CREBBP: variants seen among roughly 807,000 people sequenced by gnomAD.
CREBBP encodes the protein CREB binding lysine acetyltransferase.
In CREBBP, 19 loss-of-function variants were observed where a neutral mutation model predicts 265.0. The observed-to-expected ratio is 0.07, with a 90% CI of 0.05 to 0.11. CREBBP has a LOEUF of 0.11. Ranked by LOEUF, CREBBP falls within the 10% of genes least tolerant of loss-of-function variation. The pLI, the probability that CREBBP is intolerant of heterozygous loss-of-function variation, is 1.00. For missense variants in CREBBP, 2,525 were observed against 3,219.0 expected, an observed-to-expected ratio of 0.78 and a Z score of 5.22; for synonymous variants, 1,457 against 1,223.7, an observed-to-expected ratio of 1.19 and a Z score of -3.98.
chr16:3,745,439 C>G, intron 21 of CREBBP, 85 bp from the exon 22 acceptor site: 1 of 1,236,514 alleles, frequency 8.1e-7, no homozygotes, highest in Non-Finnish European at 1.2e-6. Flanking sequence ...TGCGTCCACA[C>G]CTTGTTCTCT....
intron 2 of CREBBP, among the ~76,000 whole-genome samples, chr16:3,814,737 G>A (rs991385033): frequency 9.2e-5 from 14 of 151,926 alleles, no homozygotes; most frequent in African/African-American, 3.1e-4. Context: ...GATCATGAAC[G>A]GTATGTAAGG....
rs1567360685 is a variant in CREBBP at position 3,849,448 on chromosome 16, T to TG, written c.798+848dup. On this transcript the variant is annotated intron_variant, in intron 2 of 30. Coordinates refer to ENST00000262367, the MANE Select transcript of CREBBP (RefSeq NM_004380.3). ...GTGTGTGTGTGTGTGTGTGTGTGTG[T>TG]GTGTGTGTGTGTGTGTGTGTGTGTG... 2.8e-3 allele frequency among the ~76,000 whole-genome samples: 143 copies of TG among 50,380 alleles called. 7 individuals are homozygous for TG. Among genetic ancestry groups the TG allele is most frequent in the East Asian group, 4.5e-3 (5 of 1,120 alleles). The allele number at this position is 50,380 out of a possible 152,430, so 33.1% of individuals were successfully genotyped here.
At position 3,810,626 on chromosome 16, in the gene CREBBP, A is replaced by T. The variant is rs910148093; in HGVS notation, c.952T>A (p.Ser318Thr). 6.2e-7 allele frequency: 1 copy of T among 1,613,596 alleles called. No homozygotes were observed. The highest frequency in any genetic ancestry group is 1.3e-5 in the African/African-American group (1 of 74,806). Reference protein sequence around the residue: ...PTFPTDIKNTSVTNVPNMSQM... With the variant: ...PTFPTDIKNTTVTNVPNMSQM... ...ACCATATTTGGCACGTTGGTGACTG[A>T]AGTATTCTTGATATCTGTAGGGAAG... The change falls in exon 3 of 31, where the codon TCA (serine) becomes ACA (threonine). Residue 318 changes from serine to threonine, a missense_variant. By Grantham distance (58) the Ser-to-Thr change is moderately conservative. Transcript: ENST00000262367.
At position 3,758,199 on chromosome 16, in the gene CREBBP, T is replaced by C; in HGVS notation, c.3370-151A>G. The C allele has an allele frequency of 4.8e-6, 4 of 834,226 alleles. No homozygotes were observed. The South Asian group carries it at 6.9e-5, about 14-fold the overall frequency. The allele number at this position is 834,226 out of a possible 1,614,324, so 51.7% of individuals were successfully genotyped here. A position where few individuals can be genotyped will look rare whatever the true frequency, so the allele number is the denominator to read the frequency against. On this transcript the variant is annotated intron_variant, in intron 17 of 30. Coordinates refer to ENST00000262367, the MANE Select transcript of CREBBP (RefSeq NM_004380.3). The stretch of plus-strand genomic sequence containing the variant: ...TAAGAAATAGGAAATGAAAAGAAAA[T>C]AACCTCTGACGCAACTGATTTTACT...
rs1417985570 is a variant in CREBBP at position 3,727,997 on chromosome 16, C to G, written c.7050G>C (p.Gln2350His). Residue 2350 changes from glutamine to histidine, a missense_variant, in exon 31 of 31, where the codon CAG becomes CAC. Gln to His is a conservative substitution (Grantham distance 24). Around this residue, in one of 19 missense-constraint regions of CREBBP, gnomAD observed 473 missense variants for 459.3 expected, o/e 1.03. Coordinates refer to ENST00000262367, the MANE Select transcript of CREBBP (RefSeq NM_004380.3). Reference sequence around the variant, plus strand: ...GAGGCTGGGACTGGGGCCGTGGAGACTGGACAGGGGCTGGAGACCGCACCT... The same window carrying G: ...GAGGCTGGGACTGGGGCCGTGGAGAGTGGACAGGGGCTGGAGACCGCACCT... Reference protein sequence around the residue: ...SNQVRSPAPVQSPRPQSQPPH... With the variant: ...SNQVRSPAPVHSPRPQSQPPH... The G allele has an allele frequency of 6.2e-7, 1 of 1,609,264 alleles. No homozygotes were observed. The highest frequency in any genetic ancestry group is 8.5e-7 in the Non-Finnish European group (1 of 1,176,632).
In CREBBP at chr16:3,735,247, T is replaced by G. The variant is rs566835901; in HGVS notation, c.4728+789A>C. Among the ~76,000 whole-genome samples, 29 of 152,330 alleles carry G rather than the reference T, an allele frequency of 1.9e-4. 2 individuals are homozygous for G. In the South Asian group the frequency reaches 5.6e-3, roughly 29 times the overall value. ...GCACACCATGCTTGGGTCTGGGTTC[T>G]TTTTGTTTCACATCCTACCAGGACA... On this transcript the variant is annotated intron_variant, in intron 28 of 30. Coordinates refer to ENST00000262367, the MANE Select transcript of CREBBP (RefSeq NM_004380.3).
intron 3 of CREBBP, among the ~76,000 whole-genome samples, chr16:3,805,825 G>A (rs2141330454): frequency 6.6e-6 from 1 of 152,270 alleles, no homozygotes; most frequent in East Asian, 1.9e-4. Flanking sequence ...TTCCACATCA[G>A]AATCACTAGA....
At chr16:3,750,761 G>A (rs1483838976) in intron 20 of CREBBP, among the ~76,000 whole-genome samples, 1 of 152,104 alleles carries the variant, frequency 6.6e-6, no homozygotes, top group Non-Finnish European at 1.5e-5. Context: ...TTAGACTTTA[G>A]GCCAAAAAAT....
At position 3,727,809 on chromosome 16, in the gene CREBBP, T is replaced by C. The variant is rs147915719; in HGVS notation, c.7238A>G (p.Asn2413Ser). The C allele has an allele frequency of 6.2e-7, 1 of 1,613,990 alleles. No homozygotes were observed. Among genetic ancestry groups the C allele is most frequent in the African/African-American group, 1.3e-5 (1 of 74,892 alleles). Residue 2413 changes from asparagine to serine, a missense_variant, in exon 31 of 31, where the codon AAC becomes AGC. Physicochemically the swap from Asn to Ser is conservative, Grantham distance 46. Transcript: ENST00000262367. ...PEQSAMLPQL[N>S]TPSRSALSSE... ...GGACAGCGCACTCCTGCTGGGGGTG[T>C]TCAGCTGGGGGAGCATTGCACTCTG...
chr16:3,788,524 G>A (rs967995241), intron 5 of CREBBP, among the ~76,000 whole-genome samples: 2 of 152,148 alleles, frequency 1.3e-5, no homozygotes, highest in Non-Finnish European at 1.5e-5. Context: ...ATTTACTGGA[G>A]GTCAGATGCC....
At position 3,782,142 on chromosome 16, in the gene CREBBP, G is replaced by C. The variant is rs374169198; in HGVS notation, c.1573+542C>G. Among the ~76,000 whole-genome samples, 6 of 152,158 alleles carry C rather than the reference G, an allele frequency of 3.9e-5. 1 individual carries two copies. Among genetic ancestry groups the C allele is most frequent in the Admixed American group, 3.3e-4 (5 of 15,270 alleles). ...TATGCAGAAATGGCAAAATCATGGC[G>C]ATGTGTGAGCAAACGATCAAAGGCT... On this transcript the variant is annotated intron_variant, in intron 6 of 30. Coordinates refer to ENST00000262367, the MANE Select transcript of CREBBP (RefSeq NM_004380.3).
intron 2 of CREBBP, among the ~76,000 whole-genome samples, chr16:3,838,508 TTG>T (rs1490614485): frequency 6.6e-6 from 1 of 152,164 alleles, no homozygotes; most frequent in African/African-American, 2.4e-5. Flanking sequence ...TTCATTCCGT[TTG>T]TGTTACAGAA....
intron 28 of CREBBP, among the ~76,000 whole-genome samples, chr16:3,733,171 G>A (rs1472620482): frequency 6.6e-6 from 1 of 151,886 alleles, no homozygotes; most frequent in Non-Finnish European, 1.5e-5. Flanking sequence ...GACCAACCTG[G>A]CTAACACGGT....
chr16:3,773,102 C>CA (rs772233692), intron 13 of CREBBP, among the ~76,000 whole-genome samples: 23 of 149,158 alleles, frequency 1.5e-4, no homozygotes, highest in African/African-American at 2.5e-4. Context: ...GACAAACAAA[C>CA]AAAAAAAAAC....
At chr16:3,787,178 C>T (rs957710354) in intron 5 of CREBBP, among the ~76,000 whole-genome samples, 2 of 152,178 alleles carry the variant, frequency 1.3e-5, no homozygotes, top group African/African-American at 4.8e-5. Context: ...CTACTTCCTA[C>T]CTGGCACCTT....
At chr16:3,830,161 T>C (rs9934615) in intron 2 of CREBBP, among the ~76,000 whole-genome samples, 152,243 of 152,244 alleles carry the variant, frequency 1, 76,121 homozygotes, top group Non-Finnish European at 1. Flanking sequence ...CTTTGGGAGG[T>C]CGAGGTGGGC....
intron 1 of CREBBP, among the ~76,000 whole-genome samples, chr16:3,871,178 C>A (rs2055288303): frequency 2.7e-5 from 1 of 37,542 alleles, no homozygotes; most frequent in Non-Finnish European, 6.5e-5. Context: ...TTAGAGATCT[C>A]TCTCTCTCTC....
At chr16:3,819,551 C>A (rs181116570) in intron 2 of CREBBP, among the ~76,000 whole-genome samples, 1 of 152,228 alleles carries the variant, frequency 6.6e-6, no homozygotes, top group African/African-American at 2.4e-5. Context: ...TAGGGAGAGG[C>A]CGGCTGGGAT....
intron 2 of CREBBP, among the ~76,000 whole-genome samples, chr16:3,845,849 T>A (rs2054655830): frequency 7.3e-6 from 1 of 136,098 alleles, no homozygotes; most frequent in African/African-American, 2.8e-5. Flanking sequence ...ATCATGCTAC[T>A]GCACTCTAGC....
Sources: allele counts gnomAD v4.1 joint callset (sites outside exome capture counted in the v4.1 genomes callset), GRCh38; gene constraint gnomAD v4.1.1; regional missense constraint gnomAD v4.1.1; transcripts MANE v1.5; gene names NCBI Gene and HGNC (gene_info 2026-07-23, HGNC 2026-07-21).